ATP10A: variants seen among roughly 807,000 people sequenced by gnomAD.
The protein encoded by ATP10A is ATPase phospholipid transporting 10A (putative), also known as phospholipid-transporting ATPase VA.
In ATP10A, 111 loss-of-function variants were observed where a neutral mutation model predicts 147.8. The ratio of observed to expected loss-of-function variants is 0.75; its 90% CI spans 0.64 to 0.88. The LOEUF (loss-of-function observed/expected upper bound fraction) is 0.88, where lower values mean the gene tolerates loss of function less well. Ranked by LOEUF, ATP10A falls within the 40% of genes least tolerant of loss-of-function variation. The probability of loss-of-function intolerance (pLI) is 0.00; values close to 1 mark genes in which losing one functional copy is unlikely to be tolerated. For missense variants in ATP10A, 1,927 were observed against 1,959.0 expected, an observed-to-expected ratio of 0.98 and a Z score of 0.31; for synonymous variants, 875 against 841.6, an observed-to-expected ratio of 1.04 and a Z score of -0.69.
chr15:25,766,608 T>C (rs918127404), intron 2 of ATP10A, among the ~76,000 whole-genome samples: 1 of 150,262 alleles, frequency 6.7e-6, no homozygotes, highest in Non-Finnish European at 1.5e-5. Flanking sequence ...AATTGGATCT[T>C]CCTGCTGGCA....
At chr15:25,717,378 C>T (rs1901886711) in intron 8 of ATP10A, among the ~76,000 whole-genome samples, 1 of 152,208 alleles carries the variant, frequency 6.6e-6, no homozygotes, top group Non-Finnish European at 1.5e-5. Flanking sequence ...ATGTAAATTA[C>T]ACATTGATAA....
intron 2 of ATP10A, among the ~76,000 whole-genome samples, chr15:25,774,039 G>A (rs1193718213): frequency 6.8e-6 from 1 of 147,594 alleles, no homozygotes; most frequent in Non-Finnish European, 1.5e-5. Flanking sequence ...TTAAATTCCC[G>A]TTTTTTTTTT....
At chr15:25,848,288 G>GTTTTA (rs891462667) in intron 1 of ATP10A, among the ~76,000 whole-genome samples, 1 of 152,098 alleles carries the variant, frequency 6.6e-6, no homozygotes, top group Non-Finnish European at 1.5e-5. Flanking sequence ...AATTTGGGGA[G>GTTTTA]TTTTATTTTA....
chr15:25,800,009 A>C (rs1395240639), intron 1 of ATP10A, among the ~76,000 whole-genome samples: 1 of 152,200 alleles, frequency 6.6e-6, no homozygotes, highest in African/African-American at 2.4e-5. Flanking sequence ...GGAATTCTAA[A>C]GAAGGAGGAA....
chr15:25,763,701 A>C (rs1203545919), intron 2 of ATP10A, among the ~76,000 whole-genome samples: 1 of 152,244 alleles, frequency 6.6e-6, no homozygotes, highest in Non-Finnish European at 1.5e-5. Flanking sequence ...GCACAGGATC[A>C]GTGCAAATAA....
chr15:25,864,259 A>C (rs933058924), upstream of ATP10A, among the ~76,000 whole-genome samples: 1 of 152,128 alleles, frequency 6.6e-6, no homozygotes, highest in Non-Finnish European at 1.5e-5. Context: ...GCATGGAAAA[A>C]GGAGCTGGGA....
At chr15:25,757,231 C>T (rs920357247) in intron 2 of ATP10A, among the ~76,000 whole-genome samples, 26 of 152,136 alleles carry the variant, frequency 1.7e-4, no homozygotes, top group African/African-American at 5.5e-4. Flanking sequence ...TGTTAGTAAA[C>T]ATAAAACAAT....
chr15:25,725,463 A>G (rs1366430656), intron 5 of ATP10A, among the ~76,000 whole-genome samples: 1 of 152,124 alleles, frequency 6.6e-6, no homozygotes, highest in Non-Finnish European at 1.5e-5. Context: ...ATACCGAAGG[A>G]CAGCTATACT....
chr15:25,771,121 C>T (rs1889311046), intron 2 of ATP10A, among the ~76,000 whole-genome samples: 1 of 152,148 alleles, frequency 6.6e-6, no homozygotes, highest in Admixed American at 6.5e-5. Flanking sequence ...CCTAATCAAA[C>T]CCCGTGTTGC....
intron 2 of ATP10A, among the ~76,000 whole-genome samples, chr15:25,775,596 G>A (rs563788869): frequency 4.6e-5 from 7 of 152,146 alleles, no homozygotes; most frequent in Non-Finnish European, 8.8e-5. Flanking sequence ...ACACACACAC[G>A]TGCACACATG....
chr15:25,751,169 T>C (rs975194913), intron 2 of ATP10A, among the ~76,000 whole-genome samples: 1 of 152,148 alleles, frequency 6.6e-6, no homozygotes, highest in Admixed American at 6.5e-5. Flanking sequence ...CTAAAATGGC[T>C]ATATTGCTAT....
intron 1 of ATP10A, among the ~76,000 whole-genome samples, chr15:25,841,207 G>C (rs1567424293): frequency 1.3e-5 from 2 of 150,546 alleles, no homozygotes; most frequent in Non-Finnish European, 3.0e-5. Context: ...TCTTTTAGAA[G>C]TTTTATCGTT....
At chr15:25,795,330 T>C (rs539975953) in intron 1 of ATP10A, among the ~76,000 whole-genome samples, 3 of 152,196 alleles carry the variant, frequency 2.0e-5, no homozygotes, top group African/African-American at 7.2e-5. Flanking sequence ...CTGCGCCAAC[T>C]TGGCACCTCC....
intron 1 of ATP10A, among the ~76,000 whole-genome samples, chr15:25,798,820 G>C (rs1330491433): frequency 6.6e-6 from 1 of 152,154 alleles, no homozygotes; most frequent in Non-Finnish European, 1.5e-5. Context: ...AGCTGTGCCC[G>C]TGTCCCTTCA....
Position 25,679,565 on chromosome 15 carries a change from G to A in ATP10A, c.4276C>T (p.Leu1426=), listed in dbSNP as rs761445579. ...GTAGGCAGGCTGAAGAGGGAAGACA[G>A]GGGGGTCACCCTGCCGGTGCTGGCA... is the stretch of plus-strand genomic sequence containing the variant. ...RAASTGRVTP[L]SSLFSLPTFS... Residue 1426 remains leucine (L), a synonymous_variant, in exon 21 of 21, where the codon CTG becomes TTG. Coordinates refer to ENST00000555815, the MANE Select transcript of ATP10A (RefSeq NM_024490.4). 2.5e-6 allele frequency: 4 copies of A among 1,611,020 alleles called. No individual in the cohort carries two copies. The highest frequency in any genetic ancestry group is 1.7e-5 in the Admixed American group (1 of 59,942).
chr15:25,675,116 G>A (rs1038661865), downstream of ATP10A, among the ~76,000 whole-genome samples: 1 of 152,168 alleles, frequency 6.6e-6, no homozygotes, highest in South Asian at 2.1e-4. Context: ...ATGGTCTCCC[G>A]GCAAAGTTGG....
At chr15:25,710,917 A>G (rs2140379124) in intron 10 of ATP10A, 1 of 152,364 alleles carries the variant, frequency 6.6e-6, no homozygotes, top group South Asian at 2.1e-4. Context: ...TACCGAGTGG[A>G]CGCTGGACAT....
At chr15:25,689,898 A>G (rs1032274495) in intron 15 of ATP10A, among the ~76,000 whole-genome samples, 4 of 152,232 alleles carry the variant, frequency 2.6e-5, no homozygotes, top group Non-Finnish European at 5.9e-5. Flanking sequence ...TTGATCCAAA[A>G]GATGTTTACT....
intron 13 of ATP10A, among the ~76,000 whole-genome samples, chr15:25,701,583 A>T (rs1351398424): frequency 1.3e-5 from 2 of 152,190 alleles, no homozygotes; most frequent in African/African-American, 4.8e-5. Context: ...AATGATCCTG[A>T]GGTGGTCAGT....
Sources: gnomAD v4.1 joint callset for allele counts (sites outside exome capture counted in the v4.1 genomes callset) on GRCh38, gnomAD v4.1.1 for gene constraint, MANE v1.5 for transcripts, NCBI Gene and HGNC (gene_info 2026-07-23, HGNC 2026-07-21) for gene names.